Variants in AKT3 observed in about 807,000 individuals in gnomAD.
AKT3 encodes the protein AKT serine/threonine kinase 3.
Under a neutral mutation model 65.3 loss-of-function variants are expected in AKT3, and 15 were observed. That is an observed-to-expected ratio of 0.23 (90% confidence interval 0.15 to 0.35). The LOEUF is 0.35. Ranked by LOEUF, AKT3 falls within the 10% of genes least tolerant of loss-of-function variation. The pLI is 1.00. For synonymous variants in AKT3, 206 were observed against 183.8 expected (o/e 1.12, Z -0.98); for missense variants, 243 against 576.5 (o/e 0.42, Z 5.92).
intron 1 of AKT3, among the ~76,000 whole-genome samples, chr1:243,849,137 G>A (rs1021320771): frequency 6.6e-6 from 1 of 152,190 alleles, no homozygotes; most frequent in African/African-American, 2.4e-5. Flanking sequence ...TCAACTTTGG[G>A]CTCTGAAGGG....
At chr1:243,700,156 A>G (rs1051193791) in intron 2 of AKT3, among the ~76,000 whole-genome samples, 4 of 152,210 alleles carry the variant, frequency 2.6e-5, no homozygotes, top group Admixed American at 6.5e-5. Flanking sequence ...TAACAGAGCT[A>G]AAAACTACTA....
chr1:243,692,150 C>T (rs935228704), intron 3 of AKT3, among the ~76,000 whole-genome samples: 8 of 152,134 alleles, frequency 5.3e-5, no homozygotes, highest in African/African-American at 9.7e-5. Context: ...TTTGAGAAAA[C>T]AGCAAAAGCA....
chr1:243,639,636 C>T (rs1329488869), intron 5 of AKT3, among the ~76,000 whole-genome samples: 1 of 152,148 alleles, frequency 6.6e-6, no homozygotes, highest in East Asian at 1.9e-4. Context: ...CGGGAAGTTA[C>T]CCTGTATGGT....
intron 13 of AKT3, among the ~76,000 whole-genome samples, chr1:243,492,854 A>G (rs1360241804): frequency 6.6e-6 from 1 of 151,912 alleles, no homozygotes; most frequent in Non-Finnish European, 1.5e-5. Context: ...TGATCTGCCC[A>G]CCTTGGCCTC....
intron 2 of AKT3, among the ~76,000 whole-genome samples, chr1:243,720,575 T>G (rs12144546): frequency 0.51 from 76,798 of 151,868 alleles, 23,473 homozygotes; most frequent in Non-Finnish European, 0.68. Context: ...GATCTCAGCC[T>G]GACTTGGCCT....
intron 1 of AKT3, among the ~76,000 whole-genome samples, chr1:243,843,897 G>A (rs190952862): frequency 2.0e-5 from 3 of 152,008 alleles, no homozygotes; most frequent in East Asian, 1.9e-4. Context: ...TGATCCACCC[G>A]CCTCAGCCTC....
chr1:243,651,910 G>A (rs960032475), intron 4 of AKT3, among the ~76,000 whole-genome samples: 3 of 152,114 alleles, frequency 2.0e-5, no homozygotes, highest in Non-Finnish European at 4.4e-5. Context: ...AGGAAAAAAT[G>A]TTGAGGGCAG....
intron 2 of AKT3, among the ~76,000 whole-genome samples, chr1:243,802,602 T>C (rs577573925): frequency 6.6e-6 from 1 of 152,328 alleles, no homozygotes; most frequent in East Asian, 1.9e-4. Context: ...TCCTACAGTA[T>C]ACTAGGATTC....
At chr1:243,798,246 G>A in intron 2 of AKT3, among the ~76,000 whole-genome samples, 1 of 125,114 alleles carries the variant, frequency 8.0e-6, no homozygotes. Context: ...GTCTCACTGT[G>A]TCACCCAGAC....
chr1:243,489,142 T>C lies in AKT3; in HGVS notation c.*7-692A>G, dbSNP rs1382324300. Reference sequence around the variant, plus strand: ...GAGGTGGACCGGCTGCGGACCCAGGTACTGTGCAGAACGCGGCGCAGGTGG... The same window carrying C: ...GAGGTGGACCGGCTGCGGACCCAGGCACTGTGCAGAACGCGGCGCAGGTGG... On this transcript the variant is annotated intron_variant, in intron 13 of 13. Transcript: ENST00000336199. 2.5e-6 allele frequency: 4 copies of C among 1,611,838 alleles called. No homozygotes were observed. Among genetic ancestry groups the C allele is most frequent in the Non-Finnish European group, 3.4e-6 (4 of 1,179,806 alleles).
chr1:243,667,435 C>T (rs975434297), intron 3 of AKT3, among the ~76,000 whole-genome samples: 2 of 152,142 alleles, frequency 1.3e-5, no homozygotes, highest in Non-Finnish European at 2.9e-5. Context: ...ATTGCCCAAG[C>T]TGAAAACCCA....
intron 4 of AKT3, among the ~76,000 whole-genome samples, chr1:243,660,049 G>A (rs1055343536): frequency 6.6e-6 from 1 of 151,902 alleles, no homozygotes; most frequent in Non-Finnish European, 1.5e-5. Context: ...AGTTTCAGAA[G>A]GAATGGTACC....
At chr1:243,518,685 T>C (rs1670517365) in intron 12 of AKT3, among the ~76,000 whole-genome samples, 1 of 152,130 alleles carries the variant, frequency 6.6e-6, no homozygotes, top group Admixed American at 6.5e-5. Flanking sequence ...ATCATCAGAA[T>C]GCCCCAACTT....
In AKT3 at chr1:243,660,888, G is replaced by A. The variant is rs868839149; in HGVS notation, c.284+3884C>T. Among the ~76,000 whole-genome samples, 145 of 152,178 alleles carry A rather than the reference G, an allele frequency of 9.5e-4. 1 individual carries two copies. The highest frequency in any genetic ancestry group is 1.7e-3 in the South Asian group (8 of 4,818). On this transcript the variant is annotated intron_variant, in intron 4 of 13. Transcript: ENST00000673466. ...TCTCAGGATACAAAATCAATGTACA[G>A]AAATCACAAGCATTCTTATACACCA...
At chr1:243,586,229 G>C (rs1675790856) in intron 8 of AKT3, among the ~76,000 whole-genome samples, 1 of 151,972 alleles carries the variant, frequency 6.6e-6, no homozygotes, top group African/African-American at 2.4e-5. Context: ...ACAATAATCG[G>C]TCTAATAGTA....
intron 2 of AKT3, among the ~76,000 whole-genome samples, chr1:243,828,401 T>A (rs1694305093): frequency 6.6e-6 from 1 of 152,116 alleles, no homozygotes; most frequent in African/African-American, 2.4e-5. Context: ...TTCAGTCCCA[T>A]CCTCTTAACC....
chr1:243,824,351 C>T (rs1426443971), intron 2 of AKT3, among the ~76,000 whole-genome samples: 1 of 152,106 alleles, frequency 6.6e-6, no homozygotes, highest in Non-Finnish European at 1.5e-5. Context: ...CAGGCATGGG[C>T]AAACTTTTCA....
At chr1:243,803,850 G>A (rs1692544702) in intron 2 of AKT3, among the ~76,000 whole-genome samples, 2 of 152,136 alleles carry the variant, frequency 1.3e-5, no homozygotes, top group Admixed American at 1.3e-4. Context: ...TACATTAAGG[G>A]ATGAAAAACT....
chr1:243,612,008 C>T (rs1460966493), intron 8 of AKT3, among the ~76,000 whole-genome samples: 2 of 152,186 alleles, frequency 1.3e-5, no homozygotes, highest in Non-Finnish European at 2.9e-5. Context: ...TTATATACTC[C>T]TTCACAGCAA....
Sources: gnomAD v4.1 joint callset for allele counts (sites outside exome capture counted in the v4.1 genomes callset) on GRCh38, gnomAD v4.1.1 for gene constraint, MANE v1.5 for transcripts, NCBI Gene and HGNC (gene_info 2026-07-23, HGNC 2026-07-21) for gene names.